The following LRBA variants were observed in gnomAD, a reference collection of about 807,000 sequenced individuals.
The protein encoded by LRBA is LPS responsive beige-like anchor protein.
LRBA carries 176 observed loss-of-function variants against 330.0 expected under a neutral mutation model. The observed-to-expected ratio is 0.53, with a 90% CI of 0.47 to 0.60. LRBA has a LOEUF of 0.60. Ranked by LOEUF, LRBA falls within the 20% of genes least tolerant of loss-of-function variation. The pLI is 0.00. For missense variants in LRBA, 3,259 were observed against 3,444.8 expected, an observed-to-expected ratio of 0.95 and a Z score of 1.35; for synonymous variants, 1,230 against 1,193.0, an observed-to-expected ratio of 1.03 and a Z score of -0.64.
At chr4:150,274,935 C>T (rs1746567209) in intron 56 of LRBA, among the ~76,000 whole-genome samples, 1 of 152,102 alleles carries the variant, frequency 6.6e-6, no homozygotes, top group African/African-American at 2.4e-5. Flanking sequence ...TTTATGAGGC[C>T]AGCATCATCC....
At chr4:150,766,870 G>A (rs1735829445) in intron 34 of LRBA, among the ~76,000 whole-genome samples, 1 of 152,080 alleles carries the variant, frequency 6.6e-6, no homozygotes, top group Non-Finnish European at 1.5e-5. Flanking sequence ...CAAAACAAGA[G>A]AGTCAATAAT....
intron 2 of LRBA, among the ~76,000 whole-genome samples, chr4:151,012,372 T>G (rs1424080056): frequency 6.6e-6 from 1 of 152,242 alleles, no homozygotes; most frequent in Non-Finnish European, 1.5e-5. Flanking sequence ...CAAATCCTCC[T>G]TCTGCCAAAA....
chr4:150,321,081 G>T lies in LRBA; in HGVS notation c.7630+110C>A. 1 of 1,035,532 alleles carries T rather than the reference G, an allele frequency of 9.7e-7. No individual in the cohort carries two copies. Among genetic ancestry groups the T allele is most frequent in the Non-Finnish European group, 1.4e-6 (1 of 711,944 alleles). The allele number at this position is 1,035,532 out of a possible 1,614,324, so 64.1% of individuals were successfully genotyped here. A position where few individuals can be genotyped will look rare whatever the true frequency, so the allele number is the denominator to read the frequency against. Reference sequence around the variant, plus strand: ...TCAAACTATTAAACAATTTGATTCAGACTAATGCTTGAAAATTAAAAGCTT... The same window carrying T: ...TCAAACTATTAAACAATTTGATTCATACTAATGCTTGAAAATTAAAAGCTT... On this transcript the variant is annotated intron_variant, in intron 50 of 56. Coordinates refer to ENST00000651943, the MANE Select transcript of LRBA (RefSeq NM_001364905.1). This position sits in a 1 kb window ranked among gnomAD's most constrained non-coding sequence, Gnocchi z 4.5.
At chr4:150,607,045 G>T (rs146189237) in intron 37 of LRBA, among the ~76,000 whole-genome samples, 1 of 152,174 alleles carries the variant, frequency 6.6e-6, no homozygotes, top group Non-Finnish European at 1.5e-5. Context: ...ATGGATAAAG[G>T]CATGGAAATG....
At chr4:150,697,605 T>C (rs111801436) in intron 36 of LRBA, among the ~76,000 whole-genome samples, 14 of 152,064 alleles carry the variant, frequency 9.2e-5, no homozygotes, top group African/African-American at 3.4e-4. Context: ...ATTACCTTCA[T>C]AAAGGAATTA....
intron 2 of LRBA, among the ~76,000 whole-genome samples, chr4:150,949,927 A>T (rs72721703): frequency 1.1e-3 from 167 of 152,254 alleles, no homozygotes; most frequent in Non-Finnish European, 1.7e-3. Context: ...AAGATGAAGC[A>T]TATATTGATA....
intron 2 of LRBA, 97 bp downstream of exon 2, chr4:151,014,330 A>C (rs1299815888): frequency 2.2e-6 from 2 of 918,152 alleles, no homozygotes; most frequent in African/African-American, 3.3e-5. Context: ...GAAAAAAGTC[A>C]CCATCAGTGT....
intron 37 of LRBA, among the ~76,000 whole-genome samples, chr4:150,644,417 A>G (rs1778948271): frequency 6.6e-6 from 1 of 151,954 alleles, no homozygotes; most frequent in South Asian, 2.1e-4. Flanking sequence ...TCAAGCAAAA[A>G]AAGTCATTTA....
chr4:151,011,369 G>A (rs1458022855), intron 2 of LRBA, among the ~76,000 whole-genome samples: 2 of 152,166 alleles, frequency 1.3e-5, no homozygotes, highest in South Asian at 2.1e-4. Context: ...GAGGCTGAAC[G>A]GGTGGATCAC....
chr4:150,807,434 TAATG>T (rs757076393), intron 32 of LRBA, among the ~76,000 whole-genome samples: 2 of 152,206 alleles, frequency 1.3e-5, no homozygotes, highest in Non-Finnish European at 2.9e-5. Context: ...TTGTAGTGTC[TAATG>T]GATTTCCCAA....
intron 49 of LRBA, among the ~76,000 whole-genome samples, chr4:150,323,987 TC>T (rs1467096089): frequency 2.6e-5 from 4 of 152,294 alleles, no homozygotes; most frequent in Admixed American, 1.3e-4. Flanking sequence ...AACTGCCTTT[TC>T]CCCATGCACA....
At position 150,470,817 on chromosome 4, in the gene LRBA, T is replaced by C. The variant is rs140029313; in HGVS notation, c.6667+807A>G. ...TTCCTTCTTTTTTAATTCCCACTGA[T>C]ACCTAATGGAAGCCCTCATTACTAC... is the stretch of plus-strand genomic sequence containing the variant. On this transcript the variant is annotated intron_variant, in intron 43 of 56. Coordinates refer to ENST00000651943, the MANE Select transcript of LRBA (RefSeq NM_001364905.1). Among the ~76,000 whole-genome samples the C allele has an allele frequency of 4.1e-4, 61 of 150,116 alleles. No homozygotes were observed. In the East Asian group the frequency reaches 0.011, roughly 28 times the overall value.
chr4:150,284,038 G>A (rs555838514), intron 54 of LRBA, among the ~76,000 whole-genome samples: 1 of 152,224 alleles, frequency 6.6e-6, no homozygotes, highest in Admixed American at 6.5e-5. Context: ...GTAAAGAAAT[G>A]GAAAATGATA....
At chr4:150,979,830 T>A (rs932355674) in intron 2 of LRBA, among the ~76,000 whole-genome samples, 3 of 152,148 alleles carry the variant, frequency 2.0e-5, no homozygotes, top group Non-Finnish European at 2.9e-5. Context: ...GAAGCCATAA[T>A]AAAGTGTCTC....
rs185974794 is a variant in LRBA, at chr4:150,953,623, C to T, written c.217-24558G>A. On this transcript the variant is annotated intron_variant, in intron 2 of 56. Coordinates refer to ENST00000651943, the MANE Select transcript of LRBA (RefSeq NM_001364905.1). ...GAGTGATCTGCCAGCCCGGGCCTCC[C>T]GAGGTGCCGGGATTGCAGACAGAGT... 4.1e-4 allele frequency among the ~76,000 whole-genome samples: 62 copies of T among 152,200 alleles called. No individual in the cohort carries two copies. The East Asian group carries it at 0.011, about 27-fold the overall frequency.
chr4:150,940,994 C>T (rs1197745688), intron 2 of LRBA, among the ~76,000 whole-genome samples: 1 of 151,936 alleles, frequency 6.6e-6, no homozygotes, highest in Non-Finnish European at 1.5e-5. Context: ...CTACTGACTC[C>T]TCATGCTGTG....
chr4:150,759,732 A>T (rs1734815735), intron 35 of LRBA, among the ~76,000 whole-genome samples: 1 of 152,212 alleles, frequency 6.6e-6, no homozygotes. Flanking sequence ...CCACGAAAAA[A>T]AGAATCTTTA....
At chr4:150,658,115 T>C (rs1780395657) in intron 37 of LRBA, among the ~76,000 whole-genome samples, 1 of 152,096 alleles carries the variant, frequency 6.6e-6, no homozygotes, top group South Asian at 2.1e-4. Context: ...TTTGACTAAC[T>C]ACGGGACCCT....
In LRBA at chr4:150,349,996, C is replaced by T. The variant is rs377302910; in HGVS notation, c.7358G>A (p.Arg2453Lys). ...NLNSITDPVL[R>K]EAVEAQIRSF... ...TTCTCAATTCAGATAACTTACCTCT[C>T]TCAACACAGGATCAGTTATTGAATT... Residue 2453 changes from arginine to lysine, a missense_variant, in exon 48 of 57, where the codon AGA becomes AAA. Transcript: ENST00000651943. 59 of 1,613,412 alleles carry T rather than the reference C, an allele frequency of 3.7e-5. No individual in the cohort carries two copies. Among genetic ancestry groups the T allele is most frequent in the Non-Finnish European group, 3.9e-5 (46 of 1,179,714 alleles).
Sources: gnomAD v4.1 joint callset for allele counts (sites outside exome capture counted in the v4.1 genomes callset) on GRCh38, gnomAD v4.1.1 for gene constraint, Gnocchi (gnomAD v3.1) non-coding constraint, MANE v1.5 for transcripts, NCBI Gene and HGNC (gene_info 2026-07-23, HGNC 2026-07-21) for gene names.